Variants in EPS15 observed in about 807,000 individuals in gnomAD.
EPS15 encodes epidermal growth factor receptor substrate 15.
Under a neutral mutation model 113.8 loss-of-function variants are expected in EPS15, and 72 were observed. The ratio of observed to expected loss-of-function variants is 0.63; its 90% CI spans 0.52 to 0.77. EPS15 has a LOEUF of 0.77. Ranked by LOEUF, EPS15 falls within the 30% of genes least tolerant of loss-of-function variation. EPS15 has a pLI of 0.00. For synonymous variants in EPS15, 344 were observed against 363.4 expected, an observed-to-expected ratio of 0.95 and a Z score of 0.61; for missense variants, 1,048 against 1,045.8, an observed-to-expected ratio of 1.00 and a Z score of -0.03.
intron 1 of EPS15, among the ~76,000 whole-genome samples, chr1:51,488,920 T>A (rs1644176878): frequency 6.6e-6 from 1 of 152,140 alleles, no homozygotes; most frequent in Admixed American, 6.6e-5. Flanking sequence ...CTAACCCTTC[T>A]CATAGCTGGC....
intron 11 of EPS15, among the ~76,000 whole-genome samples, chr1:51,442,596 T>C (rs1481539700): frequency 7.0e-6 from 1 of 143,180 alleles, no homozygotes; most frequent in African/African-American, 2.7e-5. Flanking sequence ...TCTTACCCTA[T>C]TCTTGTGCAT....
At chr1:51,468,226 T>C (rs1268348743) in intron 5 of EPS15, among the ~76,000 whole-genome samples, 3 of 152,086 alleles carry the variant, frequency 2.0e-5, no homozygotes, top group Admixed American at 6.6e-5. Context: ...TCCCAAAGTG[T>C]TGGGATTACA....
chr1:51,464,199 T>A (rs1654678663), intron 6 of EPS15, among the ~76,000 whole-genome samples: 1 of 152,100 alleles, frequency 6.6e-6, no homozygotes, highest in South Asian at 2.1e-4. Flanking sequence ...TGACATTCCA[T>A]GACTCTCTAA....
intron 1 of EPS15, among the ~76,000 whole-genome samples, chr1:51,486,311 G>C (rs904142441): frequency 1.3e-5 from 2 of 150,866 alleles, no homozygotes; most frequent in Non-Finnish European, 2.9e-5. Flanking sequence ...TGTAATCCCA[G>C]CTACTAGGAA....
At chr1:51,400,091 G>A (rs977634356) in intron 19 of EPS15, among the ~76,000 whole-genome samples, 1 of 152,088 alleles carries the variant, frequency 6.6e-6, no homozygotes, top group African/African-American at 2.4e-5. Flanking sequence ...TTTTCTCTCT[G>A]AGCTCAAAGC....
chr1:51,388,456 G>A (rs967988058), intron 21 of EPS15, among the ~76,000 whole-genome samples: 1 of 152,036 alleles, frequency 6.6e-6, no homozygotes, highest in Non-Finnish European at 1.5e-5. Context: ...CAGAAGGCAA[G>A]AAATAACTAA....
chr1:51,369,543 A>G (rs1005389233), intron 21 of EPS15, among the ~76,000 whole-genome samples: 1 of 152,226 alleles, frequency 6.6e-6, no homozygotes, highest in African/African-American at 2.4e-5. Context: ...AAAATATATA[A>G]AAGTATAATT....
chr1:51,467,941 A>G (rs1386330681), intron 5 of EPS15, among the ~76,000 whole-genome samples: 3 of 152,014 alleles, frequency 2.0e-5, no homozygotes, highest in Non-Finnish European at 4.4e-5. Context: ...TTAAAGTAAA[A>G]TAAGAAAATA....
chr1:51,486,425 CAAAAA>C (rs35588668), intron 1 of EPS15, among the ~76,000 whole-genome samples: 2 of 84,766 alleles, frequency 2.4e-5, no homozygotes, highest in Non-Finnish European at 5.1e-5. Context: ...GACTGCATCT[CAAAAA>C]AAAAAAAAAA....
At chr1:51,392,255 T>C (rs965376672) in intron 21 of EPS15, among the ~76,000 whole-genome samples, 2 of 152,218 alleles carry the variant, frequency 1.3e-5, no homozygotes, top group Non-Finnish European at 1.5e-5. Flanking sequence ...TGCCTGGATT[T>C]TCCTTGTCTG....
intron 11 of EPS15, among the ~76,000 whole-genome samples, chr1:51,441,822 C>CG (rs1265654367): frequency 6.6e-6 from 1 of 152,066 alleles, no homozygotes; most frequent in Non-Finnish European, 1.5e-5. Flanking sequence ...AAGAGTCTTC[C>CG]GATTTAAGTG....
At chr1:51,385,457 T>A (rs1647041049) in intron 21 of EPS15, among the ~76,000 whole-genome samples, 1 of 152,194 alleles carries the variant, frequency 6.6e-6, no homozygotes, top group Non-Finnish European at 1.5e-5. Context: ...AATTGTTGGC[T>A]GGTGTATAAA....
intron 21 of EPS15, chr1:51,372,192 C>T: frequency 2.3e-6 from 1 of 425,676 alleles, no homozygotes; most frequent in Non-Finnish European, 4.7e-6. Context: ...AAGTAGTCTT[C>T]ACAGGAGTTG....
chr1:51,445,492 G>A (rs1022851239), intron 10 of EPS15, among the ~76,000 whole-genome samples: 8 of 152,188 alleles, frequency 5.3e-5, no homozygotes, highest in East Asian at 1.9e-4. Flanking sequence ...AACTCTTGGA[G>A]TAGGAGGATA....
At chr1:51,489,545 T>A (rs892845909) in intron 1 of EPS15, among the ~76,000 whole-genome samples, 1 of 152,090 alleles carries the variant, frequency 6.6e-6, no homozygotes, top group Non-Finnish European at 1.5e-5. Context: ...CTCAAACTCC[T>A]GGCCTCAGGT....
intron 24 of EPS15, among the ~76,000 whole-genome samples, chr1:51,358,292 AAAAAT>A (rs1646288381): frequency 6.6e-6 from 1 of 151,986 alleles, no homozygotes; most frequent in Non-Finnish European, 1.5e-5. Context: ...CAAAAAAAAT[AAAAAT>A]AAAACAAAAA....
chr1:51,356,044 A>G lies in EPS15; in HGVS notation c.*656T>C, dbSNP rs1225093883. 5.0e-6 allele frequency: 1 copy of G among 198,440 alleles called. No homozygotes were observed. Among genetic ancestry groups the G allele is most frequent in the Non-Finnish European group, 1.0e-5 (1 of 96,100 alleles). The allele number at this position is 198,440 out of a possible 1,614,324, so 12.3% of individuals were successfully genotyped here. ...CTCTAAATCCAGATAAATCTTTTTA[A>G]AAATTTATTTCACACATGAGGCTTT... On this transcript the variant is annotated 3_prime_UTR_variant, in exon 25 of 25. Coordinates refer to ENST00000371733, the MANE Select transcript of EPS15 (RefSeq NM_001981.3).
intron 13 of EPS15, among the ~76,000 whole-genome samples, chr1:51,412,216 G>C (rs1206198588): frequency 1.3e-5 from 2 of 152,134 alleles, no homozygotes; most frequent in Non-Finnish European, 2.9e-5. Flanking sequence ...CGGGAGGTGG[G>C]GGACAAGGGG....
intron 1 of EPS15, among the ~76,000 whole-genome samples, chr1:51,500,177 G>C (rs1273516562): frequency 6.6e-6 from 1 of 152,062 alleles, no homozygotes; most frequent in Non-Finnish European, 1.5e-5. Context: ...ACCACATTTT[G>C]TTTACTCATT....
Sources: allele counts gnomAD v4.1 joint callset (sites outside exome capture counted in the v4.1 genomes callset), GRCh38; gene constraint gnomAD v4.1.1; transcripts MANE v1.5; gene names NCBI Gene and HGNC (gene_info 2026-07-23, HGNC 2026-07-21).